Variants in LRRC4C observed in about 807,000 individuals in gnomAD.
LRRC4C encodes leucine rich repeat containing 4C.
In LRRC4C, 5 loss-of-function variants were observed where a neutral mutation model predicts 33.6. The observed-to-expected ratio is 0.15, with a 90% CI of 0.08 to 0.31. The LOEUF is 0.31. LRRC4C is among the 10% of genes least tolerant of loss of function. The pLI is 1.00. For missense variants in LRRC4C, 560 were observed against 796.7 expected, an observed-to-expected ratio of 0.70 and a Z score of 3.58; for synonymous variants, 329 against 302.0, an observed-to-expected ratio of 1.09 and a Z score of -0.93.
At chr11:41,286,537 A>T (rs940968922) in intron 1 of LRRC4C, among the ~76,000 whole-genome samples, 6 of 152,222 alleles carry the variant, frequency 3.9e-5, no homozygotes, top group Non-Finnish European at 7.3e-5. Context: ...GCTCTAATAG[A>T]ATGGTAATAT....
At chr11:41,021,208 AGAGAGAGT>A (rs1174569842) in intron 1 of LRRC4C, among the ~76,000 whole-genome samples, 17 of 130,892 alleles carry the variant, frequency 1.3e-4, no homozygotes, top group African/African-American at 3.5e-4. Flanking sequence ...AGAGAGAGAG[AGAGAGAGT>A]GTGTGTGTGT....
At chr11:41,079,835 G>A (rs1377156905) in intron 1 of LRRC4C, among the ~76,000 whole-genome samples, 1 of 152,094 alleles carries the variant, frequency 6.6e-6, no homozygotes. Context: ...TTTGTGTGTG[G>A]CCCAAGGCAA....
At chr11:41,402,319 T>A (rs1321147578) in intron 1 of LRRC4C, among the ~76,000 whole-genome samples, 3 of 152,026 alleles carry the variant, frequency 2.0e-5, no homozygotes, top group East Asian at 3.9e-4. Context: ...CTTCACCAAC[T>A]AATGGGAAGT....
chr11:41,012,255 C>T (rs73468537), intron 1 of LRRC4C, among the ~76,000 whole-genome samples: 1 of 152,050 alleles, frequency 6.6e-6, no homozygotes, highest in Non-Finnish European at 1.5e-5. Flanking sequence ...CCCTTCTCAG[C>T]CTCTGTTAAC....
Position 41,303,338 on chromosome 11 carries a change from C to T in LRRC4C, c.-496+156093G>A, listed in dbSNP as rs1227813109. 3.6e-4 allele frequency among the ~76,000 whole-genome samples: 42 copies of T among 118,020 alleles called. 1 individual carries two copies. In the East Asian group the frequency reaches 8.8e-3, roughly 25 times the overall value. 77.4% of individuals were successfully genotyped at this position (118,020 alleles called of 152,430 possible). A position where few individuals can be genotyped will look rare whatever the true frequency, so the allele number is the denominator to read the frequency against. On this transcript the variant is annotated intron_variant, in intron 1 of 6. Transcript: ENST00000528697. ...CCCTAACCGCGAGTGATCTGCCAAC[C>T]TCGGCCTCCCGAGGTGCCGGGATTG...
intron 3 of LRRC4C, among the ~76,000 whole-genome samples, chr11:40,604,020 T>C (rs190404310): frequency 1.8e-3 from 277 of 152,208 alleles, no homozygotes; most frequent in Admixed American, 5.0e-3. Context: ...TGAAGTAAAA[T>C]ATACCCACGT....
Position 40,552,417 on chromosome 11 carries a change from A to G in LRRC4C, c.-270+95725T>C, listed in dbSNP as rs1957161961. On this transcript the variant is annotated intron_variant, in intron 3 of 6. Transcript: ENST00000528697. ...CAACATCATGCAGACTTCAAAGCCC[A>G]ATGGAAGCAGAGCCTCTAATAAATA... Among the ~76,000 whole-genome samples, 3 of 152,310 alleles carry G rather than the reference A, an allele frequency of 2.0e-5. No homozygotes were observed. The South Asian group carries it at 6.2e-4, about 32-fold the overall frequency.
At chr11:40,704,946 T>C (rs764569619) in intron 2 of LRRC4C, among the ~76,000 whole-genome samples, 1 of 152,068 alleles carries the variant, frequency 6.6e-6, no homozygotes, top group Non-Finnish European at 1.5e-5. Context: ...AAATTTGATA[T>C]TAATATTAAA....
chr11:41,043,272 C>T (rs1001865411), intron 1 of LRRC4C, among the ~76,000 whole-genome samples: 1 of 151,920 alleles, frequency 6.6e-6, no homozygotes, highest in Non-Finnish European at 1.5e-5. Context: ...TTGGCTCTTG[C>T]ACTTTATGGC....
intron 2 of LRRC4C, among the ~76,000 whole-genome samples, chr11:40,916,763 A>G (rs1592085866): frequency 6.6e-6 from 1 of 152,120 alleles, no homozygotes; most frequent in South Asian, 2.1e-4. Context: ...AATGTCTAGT[A>G]AGACACAATG....
At chr11:40,117,775 A>T (rs574358743) in intron 6 of LRRC4C, among the ~76,000 whole-genome samples, 1 of 151,964 alleles carries the variant, frequency 6.6e-6, no homozygotes, top group African/African-American at 2.4e-5. Flanking sequence ...CGTACCCATT[A>T]TGTGTCACCT....
intron 2 of LRRC4C, among the ~76,000 whole-genome samples, chr11:40,688,218 G>A (rs1308977616): frequency 2.0e-5 from 3 of 152,076 alleles, no homozygotes; most frequent in Non-Finnish European, 4.4e-5. Context: ...ACACAGAGCT[G>A]CCCAGACAGC....
intron 2 of LRRC4C, among the ~76,000 whole-genome samples, chr11:40,719,276 T>G (rs927016214): frequency 1.3e-5 from 2 of 152,218 alleles, no homozygotes; most frequent in African/African-American, 4.8e-5. Context: ...GCCATAGTAG[T>G]GAATGCATTA....
chr11:40,791,417 A>G (rs577418545), intron 2 of LRRC4C, among the ~76,000 whole-genome samples: 4 of 152,310 alleles, frequency 2.6e-5, no homozygotes, highest in Admixed American at 2.6e-4. Flanking sequence ...TAGAAAAAGT[A>G]ATGAACAAGG....
chr11:41,077,207 G>A (rs1160300039), intron 1 of LRRC4C, among the ~76,000 whole-genome samples: 1 of 152,142 alleles, frequency 6.6e-6, no homozygotes, highest in Non-Finnish European at 1.5e-5. Context: ...CTAGCATTCT[G>A]GGGTCTTGAG....
intron 4 of LRRC4C, among the ~76,000 whole-genome samples, chr11:40,310,525 G>A (rs189986027): frequency 9.3e-4 from 141 of 152,046 alleles, no homozygotes; most frequent in African/African-American, 3.3e-3. Flanking sequence ...TGCATCAATC[G>A]GCACATGCAT....
intron 2 of LRRC4C, among the ~76,000 whole-genome samples, chr11:40,890,593 T>G (rs2136104062): frequency 6.6e-6 from 1 of 152,274 alleles, no homozygotes; most frequent in East Asian, 1.9e-4. Context: ...TCTTACTAAC[T>G]TGGATCAAAA....
At chr11:40,856,952 A>G (rs1953813799) in intron 2 of LRRC4C, among the ~76,000 whole-genome samples, 1 of 152,176 alleles carries the variant, frequency 6.6e-6, no homozygotes, top group Non-Finnish European at 1.5e-5. Context: ...GGTGGAGACA[A>G]AGGAAGAAGA....
At chr11:40,750,471 G>A (rs1013142938) in intron 2 of LRRC4C, among the ~76,000 whole-genome samples, 2 of 151,998 alleles carry the variant, frequency 1.3e-5, no homozygotes, top group African/African-American at 2.4e-5. Flanking sequence ...ATCCTATGCA[G>A]CCATAAAAAA....
Sources: allele counts gnomAD v4.1 joint callset (sites outside exome capture counted in the v4.1 genomes callset), GRCh38; gene constraint gnomAD v4.1.1; transcripts MANE v1.5; gene names NCBI Gene and HGNC (gene_info 2026-07-23, HGNC 2026-07-21).